The following ROR1 variants were observed in gnomAD, a reference collection of about 807,000 sequenced individuals.
ROR1 encodes ROR family WNT receptor 1.
ROR1 carries 19 observed loss-of-function variants against 78.8 expected under a neutral mutation model. That is an observed-to-expected ratio of 0.24 (90% CI 0.17 to 0.35). ROR1 has a LOEUF of 0.35. Ranked by LOEUF, ROR1 falls within the 10% of genes least tolerant of loss-of-function variation. The probability of loss-of-function intolerance (pLI) is 1.00; values close to 1 mark genes in which losing one functional copy is unlikely to be tolerated. For synonymous variants in ROR1, 386 were observed against 433.6 expected, an observed-to-expected ratio of 0.89 and a Z score of 1.36; for missense variants, 917 against 1,177.8, an observed-to-expected ratio of 0.78 and a Z score of 3.24.
intron 1 of ROR1, among the ~76,000 whole-genome samples, chr1:63,995,618 T>A (rs1646330538): frequency 6.6e-6 from 1 of 152,228 alleles, no homozygotes; most frequent in African/African-American, 2.4e-5. Context: ...GGATTTCAAA[T>A]CTTGGCTTTG....
At chr1:64,157,715 G>A (rs1649813652) in intron 7 of ROR1, among the ~76,000 whole-genome samples, 1 of 152,218 alleles carries the variant, frequency 6.6e-6, no homozygotes, top group East Asian at 1.9e-4. Flanking sequence ...TTCCAGTTTA[G>A]CATTTACAGG....
intron 1 of ROR1, among the ~76,000 whole-genome samples, chr1:63,900,106 ACT>A (rs1054451398): frequency 7.2e-5 from 11 of 152,080 alleles, no homozygotes; most frequent in African/African-American, 1.2e-4. Context: ...CTTACCACTG[ACT>A]CTGATTAGTT....
Position 63,942,599 on chromosome 1 carries a change from A to G in ROR1, c.92-66706A>G, listed in dbSNP as rs145528632. On this transcript the variant is annotated intron_variant, in intron 1 of 8. Coordinates refer to ENST00000371079, the MANE Select transcript of ROR1 (RefSeq NM_005012.4). ...CTAGCCCGTCTCTCACTTTGGTGAA[A>G]TTTAGAAAAAGGCGGTTCCTTTTAG... Among the ~76,000 whole-genome samples, 14 of 152,252 alleles carry G rather than the reference A, an allele frequency of 9.2e-5. No individual in the cohort carries two copies. The East Asian group carries it at 2.5e-3, about 27-fold the overall frequency.
intron 5 of ROR1, among the ~76,000 whole-genome samples, chr1:64,138,090 A>C (rs1310781904): frequency 6.6e-6 from 1 of 152,206 alleles, no homozygotes; most frequent in Non-Finnish European, 1.5e-5. Context: ...CTAATAGCGA[A>C]GCACTTACTA....
chr1:63,843,644 G>T, intron 1 of ROR1: 1 of 605,356 alleles, frequency 1.7e-6, no homozygotes, highest in South Asian at 1.4e-5. Context: ...TCATGTCGTT[G>T]AACATGTTCA....
intron 2 of ROR1, chr1:64,028,787 CA>C (rs1646636688): frequency 6.6e-6 from 1 of 152,124 alleles, no homozygotes; most frequent in African/African-American, 2.4e-5. Context: ...CTTTGTGTTA[CA>C]AATAATCCAG....
chr1:64,137,329 TG>T (rs771934447), intron 4 of ROR1, 39 bp from the exon 5 acceptor site: 5 of 1,611,806 alleles, frequency 3.1e-6, no homozygotes, highest in Middle Eastern at 1.6e-4. Context: ...CCTGTATGTA[TG>T]TGGTGCATCA....
chr1:63,855,047 CAT>C (rs2100336082), intron 1 of ROR1, among the ~76,000 whole-genome samples: 1 of 151,626 alleles, frequency 6.6e-6, no homozygotes, highest in South Asian at 2.1e-4. Flanking sequence ...TGATTGAATC[CAT>C]GGGTGTGGAA....
chr1:64,014,399 A>T (rs1474017237), intron 2 of ROR1, among the ~76,000 whole-genome samples: 1 of 151,994 alleles, frequency 6.6e-6, no homozygotes, highest in South Asian at 2.1e-4. Flanking sequence ...GCTACTATTG[A>T]TGGGTCAAGG....
chr1:63,922,790 G>A (rs533869522), intron 1 of ROR1, among the ~76,000 whole-genome samples: 31 of 152,268 alleles, frequency 2.0e-4, no homozygotes, highest in Non-Finnish European at 4.0e-4. Context: ...GACTTAGAGG[G>A]TTAAGAGACT....
chr1:63,934,028 G>A (rs1004318652), intron 1 of ROR1, among the ~76,000 whole-genome samples: 1 of 152,220 alleles, frequency 6.6e-6, no homozygotes, highest in African/African-American at 2.4e-5. Context: ...CCAGCTAGCT[G>A]CTGCTTTGCA....
chr1:63,878,381 A>G (rs1272135216), intron 1 of ROR1, among the ~76,000 whole-genome samples: 1 of 152,160 alleles, frequency 6.6e-6, no homozygotes, highest in Non-Finnish European at 1.5e-5. Context: ...AAATAAACCT[A>G]ATTGTTATTT....
intron 1 of ROR1, among the ~76,000 whole-genome samples, chr1:63,798,058 G>T (rs1224420270): frequency 6.6e-6 from 1 of 152,114 alleles, no homozygotes. Flanking sequence ...GAGCTGAGAA[G>T]CTATCTTTTT....
intron 5 of ROR1, among the ~76,000 whole-genome samples, chr1:64,138,673 A>G (rs141338185): frequency 6.6e-6 from 1 of 151,492 alleles, no homozygotes; most frequent in Non-Finnish European, 1.5e-5. Flanking sequence ...AGCCTCCTGG[A>G]GGACTTTTTA....
intron 4 of ROR1, among the ~76,000 whole-genome samples, chr1:64,122,404 C>G (rs1357686574): frequency 6.6e-6 from 1 of 152,198 alleles, no homozygotes; most frequent in East Asian, 1.9e-4. Context: ...GGTTTACCCT[C>G]TCAATCCAAA....
intron 1 of ROR1, among the ~76,000 whole-genome samples, chr1:63,892,517 A>G (rs1645405493): frequency 6.6e-6 from 1 of 152,144 alleles, no homozygotes; most frequent in South Asian, 2.1e-4. Context: ...TGTTTATTGT[A>G]TATTTATTGT....
chr1:64,078,067 C>A (rs913249755), intron 4 of ROR1, among the ~76,000 whole-genome samples: 1 of 152,178 alleles, frequency 6.6e-6, no homozygotes, highest in Non-Finnish European at 1.5e-5. Context: ...CCTGGAGAAG[C>A]AGAAACAGTC....
intron 4 of ROR1, among the ~76,000 whole-genome samples, chr1:64,064,412 T>A (rs1281727556): frequency 6.6e-6 from 1 of 152,210 alleles, no homozygotes; most frequent in Non-Finnish European, 1.5e-5. Flanking sequence ...GCCAGCCAGT[T>A]TCTCCCATTA....
chr1:63,780,771 GC>G (rs1644647302), intron 1 of ROR1, among the ~76,000 whole-genome samples: 1 of 152,200 alleles, frequency 6.6e-6, no homozygotes, highest in Admixed American at 6.5e-5. Context: ...TAAAACAAAG[GC>G]TTTTTTCAGA....
Sources: gnomAD v4.1 joint callset for allele counts (sites outside exome capture counted in the v4.1 genomes callset) on GRCh38, gnomAD v4.1.1 for gene constraint, MANE v1.5 for transcripts, NCBI Gene and HGNC (gene_info 2026-07-23, HGNC 2026-07-21) for gene names.